The following GTPBP6 variants were observed in gnomAD, a reference collection of about 807,000 sequenced individuals.
The protein encoded by GTPBP6 is GTP binding protein 6.
A neutral mutation model predicts 28.9 loss-of-function variants in GTPBP6; 33 were observed. The ratio of observed to expected loss-of-function variants is 1.14; its 90% confidence interval spans 0.87 to 1.53. GTPBP6 has a LOEUF of 1.53. Among genes scored for constraint, GTPBP6 ranks in the 40% most tolerant of loss-of-function variants. GTPBP6 has a pLI of 0.00. For synonymous variants in GTPBP6, 231 were observed against 192.7 expected, an observed-to-expected ratio of 1.20 and a Z score of -1.65; for missense variants, 507 against 408.3, an observed-to-expected ratio of 1.24 and a Z score of -2.08.
At chrX:312,691 C>G in intron 6 of GTPBP6, 75 bp downstream of exon 6, 3 of 1,459,980 alleles carry the variant, frequency 2.1e-6, no homozygotes, top group Non-Finnish European at 2.8e-6. Context: ...ACAGGGACCC[C>G]CTGCCCTCCC....
intron 9 of GTPBP6, 77 bp downstream of exon 9, chrX:307,283 C>A: frequency 1.4e-6 from 2 of 1,393,366 alleles, no homozygotes; most frequent in South Asian, 1.2e-5. Context: ...CCTTGTGCAC[C>A]CACGAAGAGC....
chrX:315,262 G>A (rs1157585953), exon 3 of GTPBP6: 117 of 398,488 alleles, frequency 2.9e-4, no homozygotes, highest in Non-Finnish European at 8.0e-5. Flanking sequence ...CCACGTTCAG[G>A]AAGACGCACG....
chrX:311,571 G>C, exon 7 of GTPBP6: 1 of 1,612,406 alleles, frequency 6.2e-7, no homozygotes, highest in South Asian at 1.1e-5. Context: ...GCAAACAGCT[G>C]GTCCCGTGGC....
At chrX:310,783 C>T (rs9652792) in intron 7 of GTPBP6, among the ~76,000 whole-genome samples, 68,100 of 151,772 alleles carry the variant, frequency 0.45, 16,497 homozygotes, top group African/African-American at 0.6. Flanking sequence ...TGTGGTAGAG[C>T]TGGTTCCTGT....
chrX:317,569 T>TGGGGGTGGGGGTTGGGGG (rs1187572118), intron 1 of GTPBP6, among the ~76,000 whole-genome samples: 1 of 117,548 alleles, frequency 8.5e-6, no homozygotes, highest in Non-Finnish European at 1.8e-5. Flanking sequence ...GGGTGGGGGG[T>TGGGGGTGGGGGTTGGGGG]GGGACTAGAC....
At chrX:305,411 T>C (rs1472489661) in intron 9 of GTPBP6, among the ~76,000 whole-genome samples, 2 of 146,736 alleles carry the variant, frequency 1.4e-5, no homozygotes, top group African/African-American at 5.2e-5. Context: ...AAGCTCCACC[T>C]CCCGGGTTCA....
chrX:314,576 CA>C, intron 4 of GTPBP6, among the ~76,000 whole-genome samples: 1 of 152,062 alleles, frequency 6.6e-6, no homozygotes, highest in South Asian at 2.1e-4. Flanking sequence ...GGGTTCACGC[CA>C]TTCTCCTGCC....
intron 1 of GTPBP6, 146 bp downstream of exon 1, chrX:318,293 C>T (rs2070477612): frequency 5.1e-6 from 2 of 395,814 alleles, no homozygotes; most frequent in East Asian, 3.6e-5. Flanking sequence ...ATTCTCCCCA[C>T]AGAACCCCGC....
At chrX:305,762 C>A (rs904583381) in intron 9 of GTPBP6, among the ~76,000 whole-genome samples, 12 of 149,234 alleles carry the variant, frequency 8.0e-5, no homozygotes, top group African/African-American at 2.8e-4. Context: ...GTAGCTGGGA[C>A]TACAGGTGCC....
exon 9 of GTPBP6, chrX:307,507 C>T (rs1254596287): frequency 6.2e-7 from 1 of 1,610,974 alleles, no homozygotes; most frequent in South Asian, 1.1e-5. Context: ...TTCCGTGGGG[C>T]TGTACCTGCA....
chrX:313,389 C>G (rs36066198), intron 5 of GTPBP6, among the ~76,000 whole-genome samples: 11,577 of 152,102 alleles, frequency 0.076, 688 homozygotes, highest in Admixed American at 0.19. Flanking sequence ...GAAGCAGAGA[C>G]CGGAGTGACG....
At chrX:317,706 ACCCC>A (rs2070464581) in intron 1 of GTPBP6, among the ~76,000 whole-genome samples, 8 of 5,566 alleles carry the variant, frequency 1.4e-3, no homozygotes, top group African/African-American at 2.7e-3. Flanking sequence ...ACCCCACCCC[ACCCC>A]ACCCCACCCC....
intron 9 of GTPBP6, among the ~76,000 whole-genome samples, chrX:306,244 G>GCA (rs1268585236): frequency 4.2e-5 from 6 of 143,384 alleles, no homozygotes; most frequent in African/African-American, 1.8e-4. Flanking sequence ...CCTGTTGTAT[G>GCA]CAGTCAGAAA....
chrX:314,749 G>A (rs1210832083), intron 4 of GTPBP6, 141 bp downstream of exon 4: 2 of 404,680 alleles, frequency 4.9e-6, no homozygotes, highest in East Asian at 3.5e-5. Flanking sequence ...GTGCTGGGAT[G>A]ACAGGCGTGA....
intron 1 of GTPBP6, among the ~76,000 whole-genome samples, chrX:317,569 T>TGGGGGGGGGGGGGGGGGG (rs1187572118): frequency 8.5e-6 from 1 of 117,548 alleles, no homozygotes; most frequent in Non-Finnish European, 1.8e-5. Flanking sequence ...GGGTGGGGGG[T>TGGGGGGGGGGGGGGGGGG]GGGACTAGAC....
intron 1 of GTPBP6, 71 bp downstream of exon 1, chrX:318,368 C>A: frequency 2.5e-6 from 1 of 392,686 alleles, no homozygotes; most frequent in Non-Finnish European, 4.5e-6. Flanking sequence ...ACCTATGAGC[C>A]CCCTCCCCTC....
rs777324718 is a variant in GTPBP6 at position 314,704 on chromosome X, G to A, written c.689+186C>T. Among the ~76,000 whole-genome samples, 9 of 151,954 alleles carry A rather than the reference G, an allele frequency of 5.9e-5. 1 individual carries two copies. Among genetic ancestry groups the A allele is most frequent in the South Asian group, 2.1e-4 (1 of 4,816 alleles). On this transcript the variant is annotated intron_variant, in intron 4 of 9. Transcript: ENST00000326153. ...TGTTGGCCAGGATGGTCTCGATCTC[G>A]TGACCTCGTGATCCGCCCACCTCGG... is the stretch of plus-strand genomic sequence containing the variant.
intron 7 of GTPBP6, among the ~76,000 whole-genome samples, 154 bp from the exon 8 acceptor site, chrX:308,034 C>T (rs1483575938): frequency 1.3e-5 from 2 of 152,068 alleles, no homozygotes; most frequent in African/African-American, 2.4e-5. Context: ...CACCCCAGGA[C>T]GGGGGCTCCT....
At position 314,228 on chromosome X, in the gene GTPBP6, A is replaced by C. The variant is rs2070381136; in HGVS notation, c.690-11T>G. On this transcript the variant is annotated splice_polypyrimidine_tract_variant and intron_variant, in intron 4 of 9. Coordinates refer to ENST00000326153, the Ensembl canonical transcript of GTPBP6. ...CTTTTCAAGTTCGACCTGGTGTGGG[A>C]ACGGGAGTGGCTCGGTCTCTGCGGA... 1 of 1,611,664 alleles carries C rather than the reference A, an allele frequency of 6.2e-7. No homozygotes were observed. Among genetic ancestry groups the C allele is most frequent in the Non-Finnish European group, 8.5e-7 (1 of 1,177,868 alleles).
Sources: allele counts gnomAD v4.1 joint callset (sites outside exome capture counted in the v4.1 genomes callset), GRCh38; gene constraint gnomAD v4.1.1; transcripts MANE v1.5; gene names NCBI Gene and HGNC (gene_info 2026-07-23, HGNC 2026-07-21).